LIMCH1: variants seen among roughly 807,000 people sequenced by gnomAD.
LIMCH1 encodes LIM and calponin homology domains 1.
In LIMCH1, 113 loss-of-function variants were observed where a neutral mutation model predicts 176.5. That is an observed-to-expected ratio of 0.64 (90% CI 0.55 to 0.75). LIMCH1 has a LOEUF of 0.75. Among genes scored for constraint, LIMCH1 ranks in the 30% least tolerant of loss-of-function variants. The pLI is 0.00. For missense variants in LIMCH1, 1,674 were observed against 1,814.9 expected (o/e 0.92, Z 1.41); for synonymous variants, 619 against 645.9 (o/e 0.96, Z 0.63).
intron 27 of LIMCH1, among the ~76,000 whole-genome samples, chr4:41,684,835 C>A (rs1481167206): frequency 6.6e-6 from 1 of 152,144 alleles, no homozygotes; most frequent in African/African-American, 2.4e-5. Flanking sequence ...TGGACATAAT[C>A]TCCCCATAAA....
At chr4:41,680,902 C>A (rs928313565) in intron 24 of LIMCH1, 53 bp from the exon 25 acceptor site, 1 of 1,024,750 alleles carries the variant, frequency 9.8e-7, no homozygotes, top group Non-Finnish European at 1.5e-6. Context: ...TTTGTCTTGA[C>A]AAATATGATT....
At chr4:41,387,770 T>C (rs1379346698) in intron 1 of LIMCH1, among the ~76,000 whole-genome samples, 1 of 152,238 alleles carries the variant, frequency 6.6e-6, no homozygotes, top group Non-Finnish European at 1.5e-5. Flanking sequence ...ATTTGGCAAC[T>C]ATTTCACAAA....
At chr4:41,577,039 G>A (rs1031247579) in intron 1 of LIMCH1, among the ~76,000 whole-genome samples, 16 of 152,086 alleles carry the variant, frequency 1.1e-4, no homozygotes, top group African/African-American at 3.9e-4. Flanking sequence ...ATGGAGGGCC[G>A]ACTTTTCCTA....
intron 1 of LIMCH1, among the ~76,000 whole-genome samples, chr4:41,487,918 C>CTT (rs11325771): frequency 1.5e-4 from 22 of 142,858 alleles, no homozygotes; most frequent in Non-Finnish European, 2.9e-4. Context: ...TCCCAAAGTG[C>CTT]TTTTTTTTTT....
At chr4:41,650,758 T>G in intron 18 of LIMCH1, 150 bp downstream of exon 18, 1 of 688,086 alleles carries the variant, frequency 1.5e-6, no homozygotes, top group Non-Finnish European at 2.4e-6. Flanking sequence ...ACAAACTCAG[T>G]GGCTTAAACA....
intron 1 of LIMCH1, among the ~76,000 whole-genome samples, chr4:41,361,129 G>A (rs1056729424): frequency 6.6e-6 from 1 of 152,208 alleles, no homozygotes; most frequent in African/African-American, 2.4e-5. Context: ...TCCCGGGCGA[G>A]GGTGGGCGTG....
At chr4:41,591,561 G>C (rs2087571810) in intron 1 of LIMCH1, among the ~76,000 whole-genome samples, 1 of 151,974 alleles carries the variant, frequency 6.6e-6, no homozygotes, top group African/African-American at 2.4e-5. Context: ...AGATTTTTAG[G>C]GCAAATATTT....
At chr4:41,605,092 G>A (rs940045508) in intron 3 of LIMCH1, among the ~76,000 whole-genome samples, 6 of 152,168 alleles carry the variant, frequency 3.9e-5, no homozygotes, top group Non-Finnish European at 8.8e-5. Context: ...AGCTGACTCT[G>A]CTGGGTTTCA....
At chr4:41,632,703 A>G (rs1324613365) in intron 10 of LIMCH1, 46 bp from the exon 11 acceptor site, 1 of 1,447,088 alleles carries the variant, frequency 6.9e-7, no homozygotes, top group African/African-American at 1.4e-5. Context: ...TTCGTAACCC[A>G]TGTTCCTCTC....
chr4:41,366,816 G>A (rs922748066), intron 1 of LIMCH1, among the ~76,000 whole-genome samples: 1 of 152,188 alleles, frequency 6.6e-6, no homozygotes, highest in Non-Finnish European at 1.5e-5. Context: ...AGATGCCCAT[G>A]CATCTAACCC....
chr4:41,420,852 G>A (rs1033800990), intron 1 of LIMCH1, among the ~76,000 whole-genome samples: 3 of 152,210 alleles, frequency 2.0e-5, no homozygotes, highest in Non-Finnish European at 2.9e-5. Context: ...TTGCAAGAAC[G>A]CTGGAGAAAG....
intron 1 of LIMCH1, among the ~76,000 whole-genome samples, chr4:41,597,358 G>A (rs1269756773): frequency 6.6e-6 from 1 of 152,136 alleles, no homozygotes. Context: ...AAAGTTCTTG[G>A]AATAATGCAT....
intron 29 of LIMCH1, 27 bp from the exon 30 acceptor site, chr4:41,689,500 T>G: frequency 7.8e-7 from 1 of 1,278,642 alleles, no homozygotes; most frequent in Non-Finnish European, 1.1e-6. Context: ...CTGAAGTTTT[T>G]ATTCTTATGT....
At chr4:41,397,912 A>G (rs542895645) in intron 1 of LIMCH1, among the ~76,000 whole-genome samples, 123 of 152,158 alleles carry the variant, frequency 8.1e-4, no homozygotes, top group African/African-American at 2.8e-3. Flanking sequence ...CAATTTTTAT[A>G]TTATGTAAAA....
At chr4:41,484,729 G>A (rs773501259) in intron 1 of LIMCH1, among the ~76,000 whole-genome samples, 3 of 152,032 alleles carry the variant, frequency 2.0e-5, no homozygotes, top group Non-Finnish European at 4.4e-5. Flanking sequence ...GCCAAAATCT[G>A]TTAAATCTAG....
At chr4:41,413,787 A>G (rs2059693200) in intron 1 of LIMCH1, among the ~76,000 whole-genome samples, 1 of 152,166 alleles carries the variant, frequency 6.6e-6, no homozygotes, top group African/African-American at 2.4e-5. Context: ...GTTCCACATA[A>G]TGTAAAGCCG....
intron 1 of LIMCH1, among the ~76,000 whole-genome samples, chr4:41,416,530 C>A (rs996976485): frequency 6.6e-6 from 1 of 151,540 alleles, no homozygotes; most frequent in African/African-American, 2.4e-5. Context: ...TGGTAGCGGG[C>A]GCCTGTAATC....
Position 41,605,910 on chromosome 4 carries a change from A to C in LIMCH1, c.-86A>C. 1 of 1,612,740 alleles carries C rather than the reference A, an allele frequency of 6.2e-7. No individual in the cohort carries two copies. Among genetic ancestry groups the C allele is most frequent in the Non-Finnish European group, 8.5e-7 (1 of 1,178,902 alleles). ...GTTCCACAGGTATTAGTTACCATTT[A>C]CTGGCTGGGAAAAGCAGCAAACAGC... On this transcript the variant is annotated 5_prime_UTR_variant, in exon 4 of 32. Coordinates refer to ENST00000503057, the MANE Select transcript of LIMCH1 (RefSeq NM_001330672.2).
intron 1 of LIMCH1, among the ~76,000 whole-genome samples, chr4:41,404,873 A>G (rs560869337): frequency 7.2e-5 from 11 of 152,244 alleles, no homozygotes; most frequent in Admixed American, 5.9e-4. Flanking sequence ...TCTCTTCTTC[A>G]TTCTTTTGTT....
Sources: gnomAD v4.1 joint callset for allele counts (sites outside exome capture counted in the v4.1 genomes callset) on GRCh38, gnomAD v4.1.1 for gene constraint, MANE v1.5 for transcripts, NCBI Gene and HGNC (gene_info 2026-07-23, HGNC 2026-07-21) for gene names.